Variants in PICK1 observed in about 807,000 individuals in gnomAD.
PICK1 encodes the protein protein interacting with PRKCA 1.
A neutral mutation model predicts 48.9 loss-of-function variants in PICK1; 23 were observed. The ratio of observed to expected loss-of-function variants is 0.47; its 90% confidence interval spans 0.34 to 0.67. The LOEUF is 0.67. Among genes scored for constraint, PICK1 ranks in the 30% least tolerant of loss-of-function variants. PICK1 has a pLI of 0.01. For synonymous variants in PICK1, 217 were observed against 228.2 expected, an observed-to-expected ratio of 0.95 and a Z score of 0.44; for missense variants, 423 against 557.1, an observed-to-expected ratio of 0.76 and a Z score of 2.42.
At chr22:38,060,359 C>G (rs1464140726) in intron 3 of PICK1, among the ~76,000 whole-genome samples, 1 of 152,196 alleles carries the variant, frequency 6.6e-6, no homozygotes, top group Non-Finnish European at 1.5e-5. Context: ...ATATTCTGTC[C>G]ACTGTAACTC....
chr22:38,072,705 T>C, intron 9 of PICK1, 95 bp downstream of exon 9: 1 of 1,519,146 alleles, frequency 6.6e-7, no homozygotes, highest in Non-Finnish European at 9.0e-7. Context: ...GTCCTGTGCC[T>C]GGGTACAGCC....
Position 38,074,807 on chromosome 22 carries a change from T to A in PICK1, c.980-57T>A. The A allele has an allele frequency of 1.3e-6, 2 of 1,598,026 alleles. No individual in the cohort carries two copies. Among genetic ancestry groups the A allele is most frequent in the East Asian group, 2.2e-5 (1 of 44,830 alleles). On this transcript the variant is annotated intron_variant, in intron 12 of 12. Coordinates refer to ENST00000356976, the MANE Select transcript of PICK1 (RefSeq NM_012407.4). This position sits in a 1 kb window ranked among gnomAD's most constrained non-coding sequence, Gnocchi z 4.5. ...GGCCGGGTGGGCTGGGAGAGTCTCC[T>A]CCCTGAGGCAGGCAGCCAGAGCCCA...
rs776855622 is a variant in PICK1, at chr22:38,072,509, C to A, written c.589C>A (p.Arg197=). ...FGDVFSVIGV[R]EPQPAASEAF... ...GGACGTGTTCTCCGTGATCGGGGTG[C>A]GGGAGCCCCAGCCAGCTGCGAGCGA... The change falls in exon 9 of 13, where the codon CGG becomes AGG. Residue 197 remains arginine (R), a synonymous_variant. Transcript: ENST00000356976. The A allele has an allele frequency of 1.4e-5, 23 of 1,613,358 alleles. No individual in the cohort carries two copies. The Admixed American group carries it at 1.5e-4, about 11-fold the overall frequency.
chr22:38,075,149 G>T lies in PICK1; in HGVS notation c.*17G>T, dbSNP rs1396761918. The T allele has an allele frequency of 6.2e-7, 1 of 1,603,510 alleles. No homozygotes were observed. Among genetic ancestry groups the T allele is most frequent in the Non-Finnish European group, 8.5e-7 (1 of 1,174,800 alleles). On this transcript the variant is annotated 3_prime_UTR_variant, in exon 13 of 13. Transcript: ENST00000356976. ...GACTCCTGAGTGCCCCGCGGCTGTG[G>T]TGCCGGGGGCAGGGTGCGTGGGAGG...
Position 38,074,344 on chromosome 22 carries a change from A to G in PICK1, c.872A>G (p.Asn291Ser), listed in dbSNP as rs1159382697. Reference protein sequence around the residue: ...GEPLYRVSTGNYEYRLILRCR... With the variant: ...GEPLYRVSTGSYEYRLILRCR... ...CCCCTTTACCGGGTGAGCACCGGCAACTATGAGTACCGCCTGATCCTGCGC... is the reference window on the plus strand; with the variant it reads ...CCCCTTTACCGGGTGAGCACCGGCAGCTATGAGTACCGCCTGATCCTGCGC... The change falls in exon 12 of 13, where the codon AAC (asparagine) becomes AGC (serine). Residue 291 changes from asparagine (N) to serine (S), a missense_variant. By Grantham distance (46) the Asn-to-Ser change is conservative. This residue lies in a region of PICK1 where 279 missense variants were observed against 417.8 expected (regional missense o/e 0.67). Transcript: ENST00000356976. The surrounding 1 kb of genome is among the most constrained non-coding windows in gnomAD (Gnocchi z 4.5). 1 of 1,612,654 alleles carries G rather than the reference A, an allele frequency of 6.2e-7. No homozygotes were observed. The highest frequency in any genetic ancestry group is 8.5e-7 in the Non-Finnish European group (1 of 1,179,862).
chr22:38,069,470 C>CTT (rs1569201396), intron 6 of PICK1, among the ~76,000 whole-genome samples: 1 of 152,206 alleles, frequency 6.6e-6, no homozygotes, highest in Non-Finnish European at 1.5e-5. Context: ...GGTGGTGCTG[C>CTT]TGCCCTTGCC....
chr22:38,070,053 A>G (rs1275720613), intron 6 of PICK1, among the ~76,000 whole-genome samples: 1 of 152,200 alleles, frequency 6.6e-6, no homozygotes, highest in East Asian at 1.9e-4. Flanking sequence ...CCGGGTGGCC[A>G]AAGCCTCCCC....
At chr22:38,068,772 A>G (rs566082388) in intron 5 of PICK1, among the ~76,000 whole-genome samples, 2 of 152,294 alleles carry the variant, frequency 1.3e-5, no homozygotes, top group African/African-American at 4.8e-5. Context: ...CTGGGCTCTC[A>G]GCAACCAGCA....
chr22:38,063,455 G>A (rs2085454972), intron 3 of PICK1, among the ~76,000 whole-genome samples: 1 of 151,916 alleles, frequency 6.6e-6, no homozygotes, highest in African/African-American at 2.4e-5. Flanking sequence ...TTTGAATTAG[G>A]TTGTTTGGTT....
At chr22:38,070,392 A>G (rs2085648659) in intron 6 of PICK1, among the ~76,000 whole-genome samples, 1 of 152,228 alleles carries the variant, frequency 6.6e-6, no homozygotes, top group African/African-American at 2.4e-5. Context: ...CCAATGACTG[A>G]TCACCAAGGC....
Position 38,073,068 on chromosome 22 carries a change from C to T in PICK1, c.759C>T (p.Tyr253=), listed in dbSNP as rs147253933. 7.3e-5 allele frequency: 118 copies of T among 1,613,062 alleles called. No homozygotes were observed. Among genetic ancestry groups the T allele is most frequent in the Non-Finnish European group, 9.5e-5 (112 of 1,179,226 alleles). The part of the protein sequence containing the change: ...IPDTRLTIKK[Y]LDVKFEYLSY... ...ACACTCGCCTCACCATCAAGAAGTA[C>T]CTGGACGTGAAGTTTGAGTACCTGG... Residue 253 remains tyrosine (Y), a synonymous_variant, in exon 10 of 13, where the codon TAC becomes TAT. Transcript: ENST00000356976. The surrounding 1 kb of genome is among the most constrained non-coding windows in gnomAD (Gnocchi z 5.7).
intron 3 of PICK1, 107 bp downstream of exon 3, chr22:38,059,452 T>C: frequency 1.2e-6 from 1 of 816,606 alleles, no homozygotes; most frequent in Non-Finnish European, 2.1e-6. Context: ...ATTCTTGAGG[T>C]CTGACCCTCT....
chr22:38,074,217 C>T lies in PICK1; in HGVS notation c.835-90C>T, dbSNP rs1334939352. 1 of 1,473,606 alleles carries T rather than the reference C, an allele frequency of 6.8e-7. No individual in the cohort carries two copies. Among genetic ancestry groups the T allele is most frequent in the Non-Finnish European group, 9.4e-7 (1 of 1,060,658 alleles). The allele number at this position is 1,473,606 out of a possible 1,614,324, so 91.3% of individuals were successfully genotyped here. The stretch of plus-strand genomic sequence containing the variant: ...AACACTGAAGTCTCAGAAATGAGGT[C>T]TCAGGAATGAAGAACAGCCGTGGCT... On this transcript the variant is annotated intron_variant, in intron 11 of 12. Transcript: ENST00000356976. This position sits in a 1 kb window ranked among gnomAD's most constrained non-coding sequence, Gnocchi z 4.5.
intron 8 of PICK1, 191 bp downstream of exon 8, chr22:38,071,935 A>G: frequency 1.5e-6 from 1 of 653,094 alleles, no homozygotes. Flanking sequence ...AAGGGCCGCA[A>G]CGATGAACAG....
At chr22:38,059,635 A>T (rs2085351837) in intron 3 of PICK1, among the ~76,000 whole-genome samples, 1 of 152,176 alleles carries the variant, frequency 6.6e-6, no homozygotes, top group East Asian at 1.9e-4. Flanking sequence ...TGCAGTAAGC[A>T]CCAGGTACAG....
intron 3 of PICK1, among the ~76,000 whole-genome samples, chr22:38,061,612 C>G (rs891231338): frequency 3.3e-5 from 5 of 152,104 alleles, no homozygotes; most frequent in African/African-American, 1.2e-4. Context: ...TTGATTTCCC[C>G]AGACTCAGAT....
intron 2 of PICK1, among the ~76,000 whole-genome samples, chr22:38,058,443 G>A (rs1244156769): frequency 1.3e-5 from 2 of 152,160 alleles, no homozygotes; most frequent in African/African-American, 4.8e-5. Flanking sequence ...TGAGAGGTGG[G>A]AGGTGGACAG....
chr22:38,075,289 C>T lies in PICK1; in HGVS notation c.*157C>T. On this transcript the variant is annotated 3_prime_UTR_variant, in exon 13 of 13. Transcript: ENST00000356976. ...GTCCTCGCACAGCGAACCTGGGCTC[C>T]TGCCCAGGACAGGCACCAGGGTCAT... 1 of 700,544 alleles carries T rather than the reference C, an allele frequency of 1.4e-6. No individual in the cohort carries two copies. Among genetic ancestry groups the T allele is most frequent in the Non-Finnish European group, 2.3e-6 (1 of 429,600 alleles). 43.4% of individuals were successfully genotyped at this position (700,544 alleles called of 1,614,324 possible).
At chr22:38,062,816 C>A (rs886878609) in intron 3 of PICK1, among the ~76,000 whole-genome samples, 1 of 152,206 alleles carries the variant, frequency 6.6e-6, no homozygotes, top group Non-Finnish European at 1.5e-5. Flanking sequence ...CAAGAATGAA[C>A]GTCAAGGTTG....
Sources: allele counts gnomAD v4.1 joint callset (sites outside exome capture counted in the v4.1 genomes callset), GRCh38; gene constraint gnomAD v4.1.1; regional missense constraint gnomAD v4.1.1; non-coding constraint Gnocchi (gnomAD v3.1); transcripts MANE v1.5; gene names NCBI Gene and HGNC (gene_info 2026-07-23, HGNC 2026-07-21).